RYK: variants seen among roughly 807,000 people sequenced by gnomAD.
The protein encoded by RYK is receptor like tyrosine kinase, also known as inactive tyrosine-protein kinase RYK.
RYK carries 21 observed loss-of-function variants against 70.2 expected under a neutral mutation model. That is an observed-to-expected ratio of 0.30 (90% CI 0.21 to 0.43). The LOEUF (loss-of-function observed/expected upper bound fraction) is 0.43. RYK is among the 20% of genes least tolerant of loss of function. The pLI is 1.00. For synonymous variants in RYK, 267 were observed against 278.0 expected, an observed-to-expected ratio of 0.96 and a Z score of 0.39; for missense variants, 604 against 753.3, an observed-to-expected ratio of 0.80 and a Z score of 2.32.
At chr3:134,193,977 T>C (rs1299371070) in intron 7 of RYK, among the ~76,000 whole-genome samples, 1 of 152,226 alleles carries the variant, frequency 6.6e-6, no homozygotes, top group Non-Finnish European at 1.5e-5. Flanking sequence ...CCCCTACTTT[T>C]AGTAATGCTG....
intron 1 of RYK, 42 bp downstream of exon 1, chr3:134,250,381 C>G: frequency 1.6e-6 from 2 of 1,289,296 alleles, no homozygotes; most frequent in Non-Finnish European, 2.0e-6. Flanking sequence ...GCTGCCCCAG[C>G]CGGCCCGACC....
At chr3:134,222,206 T>C (rs75746553) in intron 2 of RYK, among the ~76,000 whole-genome samples, 2,431 of 152,316 alleles carry the variant, frequency 0.016, 65 homozygotes, top group African/African-American at 0.056. Flanking sequence ...TGCTAATCAA[T>C]TAAATGATAG....
At chr3:134,183,102 T>C in intron 9 of RYK, 31 bp from the exon 10 acceptor site, 1 of 1,300,486 alleles carries the variant, frequency 7.7e-7, no homozygotes, top group Non-Finnish European at 1.1e-6. Flanking sequence ...ATGTCTTGAA[T>C]AATAATACTA....
Position 134,188,167 on chromosome 3 carries a change from ATTT to A in RYK, c.1102+667_1102+669del, listed in dbSNP as rs57894961. 1.1e-3 allele frequency among the ~76,000 whole-genome samples: 143 copies of A among 130,214 alleles called. 1 individual carries two copies. The highest frequency in any genetic ancestry group is 1.7e-3 in the Non-Finnish European group (105 of 63,190). 85.4% of individuals were successfully genotyped at this position (130,214 alleles called of 152,430 possible). A position where few individuals can be genotyped will look rare whatever the true frequency, so the allele number is the denominator to read the frequency against. ...AATCTAACAATATATATATATATATATTTTTTTTTTTTTTTGAGACAGAGTCTC... is the reference window on the plus strand; with the variant it reads ...AATCTAACAATATATATATATATATATTTTTTTTTTTTGAGACAGAGTCTC... On this transcript the variant is annotated intron_variant, in intron 9 of 14. Transcript: ENST00000623711.
chr3:134,229,379 G>GAAAA (rs753782991), intron 1 of RYK, among the ~76,000 whole-genome samples: 1 of 61,438 alleles, frequency 1.6e-5, no homozygotes, highest in South Asian at 5.4e-4. Context: ...CCTTTGGGCT[G>GAAAA]GAAAAAAAAA....
intron 1 of RYK, among the ~76,000 whole-genome samples, chr3:134,244,319 C>T (rs887681405): frequency 9.9e-5 from 15 of 152,132 alleles, no homozygotes; most frequent in African/African-American, 3.6e-4. Flanking sequence ...AATTAAAGAA[C>T]ATGGGAGGAT....
chr3:134,158,204 C>A lies in RYK; in HGVS notation c.1773G>T (p.Gln591His). The change falls in exon 15 of 15, where the codon CAG becomes CAT. Residue 591 changes from glutamine (Q) to histidine (H), a missense_variant. Gln to His is a conservative substitution (Grantham distance 24, BLOSUM62 0). Around this residue, in one of 2 missense-constraint regions of RYK, gnomAD observed 138 missense variants for 217.4 expected, o/e 0.63. Transcript: ENST00000623711. Reference protein sequence around the residue: ...LDPEERPKFQQLVQCLTEFHA... With the variant: ...LDPEERPKFQHLVQCLTEFHA... ...GAAACTCTGTTAGGCACTGTACCAG[C>A]TGCTGAAACTTGGGCCTCTCCTCTG... 6.3e-7 allele frequency: 1 copy of A among 1,577,540 alleles called. No individual in the cohort carries two copies. The highest frequency in any genetic ancestry group is 8.6e-7 in the Non-Finnish European group (1 of 1,160,096).
chr3:134,245,903 C>G (rs1197284409), intron 1 of RYK, among the ~76,000 whole-genome samples: 7 of 152,192 alleles, frequency 4.6e-5, no homozygotes, highest in Non-Finnish European at 4.4e-5. Context: ...CATGTTCTCT[C>G]CTCTGCAATC....
intron 9 of RYK, among the ~76,000 whole-genome samples, chr3:134,187,027 C>A (rs894380617): frequency 6.6e-6 from 1 of 152,100 alleles, no homozygotes; most frequent in Non-Finnish European, 1.5e-5. Flanking sequence ...TTGGTCTTAG[C>A]CGAAAGGATG....
intron 5 of RYK, among the ~76,000 whole-genome samples, chr3:134,204,244 C>T (rs1576519626): frequency 6.6e-6 from 1 of 152,034 alleles, no homozygotes; most frequent in Admixed American, 6.6e-5. Flanking sequence ...CCTGTAATCC[C>T]AGCGCTTTGG....
intron 2 of RYK, among the ~76,000 whole-genome samples, chr3:134,216,392 G>A (rs888521555): frequency 1.2e-4 from 18 of 152,122 alleles, no homozygotes; most frequent in Non-Finnish European, 2.4e-4. Context: ...GCAACTCCTA[G>A]AAAATGATGA....
intron 3 of RYK, among the ~76,000 whole-genome samples, chr3:134,210,780 A>G (rs2014367600): frequency 6.6e-6 from 1 of 152,202 alleles, no homozygotes; most frequent in African/African-American, 2.4e-5. Flanking sequence ...GCATCAAGGG[A>G]ATTGCTAGAT....
At chr3:134,165,889 T>C (rs1438723023) in intron 13 of RYK, among the ~76,000 whole-genome samples, 1 of 152,236 alleles carries the variant, frequency 6.6e-6, no homozygotes, top group Non-Finnish European at 1.5e-5. Flanking sequence ...GGTTCAGAGC[T>C]AGAGAGGAAT....
In RYK at chr3:134,207,539, A is replaced by G; in HGVS notation, c.590-14T>C. On this transcript the variant is annotated splice_polypyrimidine_tract_variant and intron_variant, in intron 4 of 14. Coordinates refer to ENST00000623711, the MANE Select transcript of RYK (RefSeq NM_002958.4). ...CTTCTTCAAGTTCTGAATTTAAAGG[A>G]GAAAAATGATGCTTTAGAAATTCTC... 1 of 1,510,018 alleles carries G rather than the reference A, an allele frequency of 6.6e-7. No homozygotes were observed. Among genetic ancestry groups the G allele is most frequent in the Non-Finnish European group, 8.9e-7 (1 of 1,117,562 alleles). The allele number at this position is 1,510,018 out of a possible 1,614,324, so 93.5% of individuals were successfully genotyped here.
chr3:134,171,068 G>A (rs886582042), intron 13 of RYK: 4 of 152,300 alleles, frequency 2.6e-5, no homozygotes, highest in African/African-American at 9.7e-5. Flanking sequence ...GGAAGAGGCG[G>A]AGGAGGAGAA....
chr3:134,238,642 G>A (rs569678826), intron 1 of RYK, among the ~76,000 whole-genome samples: 1 of 152,252 alleles, frequency 6.6e-6, no homozygotes, highest in African/African-American at 2.4e-5. Flanking sequence ...GCCACTTCAG[G>A]AAGTAAACAT....
At chr3:134,214,466 T>C (rs1380945236) in intron 2 of RYK, among the ~76,000 whole-genome samples, 1 of 152,102 alleles carries the variant, frequency 6.6e-6, no homozygotes, top group African/African-American at 2.4e-5. Context: ...ACACCTAGTT[T>C]CATGTTCTCC....
At chr3:134,167,433 A>G (rs2012712380) in intron 13 of RYK, among the ~76,000 whole-genome samples, 1 of 152,226 alleles carries the variant, frequency 6.6e-6, no homozygotes, top group Non-Finnish European at 1.5e-5. Flanking sequence ...GCCCTCAAAA[A>G]TAATACTACA....
At chr3:134,185,038 G>A (rs1053645999) in intron 9 of RYK, among the ~76,000 whole-genome samples, 1 of 148,696 alleles carries the variant, frequency 6.7e-6, no homozygotes, top group Non-Finnish European at 1.5e-5. Context: ...AGGTGGCTGA[G>A]GTGGGGGATT....
Sources: allele counts gnomAD v4.1 joint callset (sites outside exome capture counted in the v4.1 genomes callset), GRCh38; gene constraint gnomAD v4.1.1; regional missense constraint gnomAD v4.1.1; transcripts MANE v1.5; gene names NCBI Gene and HGNC (gene_info 2026-07-23, HGNC 2026-07-21).